MROH2A: variants seen among roughly 807,000 people sequenced by gnomAD.
MROH2A encodes the protein maestro heat like repeat family member 2A.
Under a neutral mutation model 200.4 loss-of-function variants are expected in MROH2A, and 174 were observed. The observed-to-expected ratio is 0.87, with a 90% CI of 0.77 to 0.98. The LOEUF (loss-of-function observed/expected upper bound fraction) is 0.98, where lower values mean the gene tolerates loss of function less well. MROH2A is among the 50% of genes least tolerant of loss of function. MROH2A has a pLI of 0.00. For missense variants in MROH2A, 2,045 were observed against 2,139.6 expected, an observed-to-expected ratio of 0.96 and a Z score of 0.87; for synonymous variants, 829 against 840.4, an observed-to-expected ratio of 0.99 and a Z score of 0.23.
At chr2:233,831,561 A>G in intron 39 of MROH2A, 21 bp downstream of exon 39, 1 of 1,543,840 alleles carries the variant, frequency 6.5e-7, no homozygotes, top group Admixed American at 2.0e-5. Context: ...CAAAGGGGGA[A>G]CCAGCCCGTC....
At chr2:233,814,432 C>T in intron 25 of MROH2A, 150 bp from the exon 26 acceptor site, 1 of 592,002 alleles carries the variant, frequency 1.7e-6, no homozygotes, top group Non-Finnish European at 3.1e-6. Flanking sequence ...TTGTCTTGTA[C>T]TTCACTTGAG....
At chr2:233,792,602 C>T (rs28900424) in intron 5 of MROH2A, among the ~76,000 whole-genome samples, 194 bp from the exon 6 acceptor site, 3,600 of 152,206 alleles carry the variant, frequency 0.024, 155 homozygotes, top group African/African-American at 0.08. Context: ...CGTGAGACAC[C>T]GTGCCCTTCT....
At chr2:233,800,184 T>A in intron 13 of MROH2A, 21 bp from the exon 14 acceptor site, 1 of 1,512,032 alleles carries the variant, frequency 6.6e-7, no homozygotes, top group Non-Finnish European at 8.9e-7. Context: ...CAGGTGGGAA[T>A]CCCTTGGTTC....
chr2:233,822,846 AG>A, intron 33 of MROH2A, 34 bp from the exon 34 acceptor site: 1 of 1,547,734 alleles, frequency 6.5e-7, no homozygotes, highest in Non-Finnish European at 8.7e-7. Context: ...CGCTCCCAGC[AG>A]GGCAGCGCAT....
chr2:233,810,871 G>A lies in MROH2A; in HGVS notation c.2526G>A (p.Glu842=), dbSNP rs1315887930. 1.9e-6 allele frequency: 3 copies of A among 1,550,330 alleles called. No individual in the cohort carries two copies. Among genetic ancestry groups the A allele is most frequent in the African/African-American group, 2.7e-5 (2 of 73,036 alleles). The change falls in exon 23 of 42, where the codon GAG becomes GAA. Residue 842 remains glutamate (E), a synonymous_variant. Coordinates refer to ENST00000389758, the MANE Select transcript of MROH2A (RefSeq NM_001394639.1). The part of the protein sequence containing the change: ...TKAINNIKDL[E]DFHFAQKTTL... ...CCATCAACAACATCAAGGACCTGGA[G>A]GACTTTCACTTTGCCCAGAAGACGA...
chr2:233,787,057 T>A (rs1701239932), intron 3 of MROH2A, among the ~76,000 whole-genome samples: 1 of 152,182 alleles, frequency 6.6e-6, no homozygotes, highest in Admixed American at 6.5e-5. Context: ...CTCTACAGAA[T>A]CCAGTAATTC....
chr2:233,800,516 T>A (rs959902643), intron 14 of MROH2A, among the ~76,000 whole-genome samples: 1 of 152,258 alleles, frequency 6.6e-6, no homozygotes, highest in Non-Finnish European at 1.5e-5. Flanking sequence ...TCTTCATCTC[T>A]GTACCCCTAG....
rs1321803952 is a variant in MROH2A at position 233,787,795 on chromosome 2, A to T, written c.277-1702A>T. ...ATATATATTATATATATCATATATA[A>T]TATATATTATATATATTATATATAA... is the stretch of plus-strand genomic sequence containing the variant. On this transcript the variant is annotated intron_variant, in intron 3 of 41. Coordinates refer to ENST00000389758, the MANE Select transcript of MROH2A (RefSeq NM_001394639.1). 9.9e-4 allele frequency among the ~76,000 whole-genome samples: 5 copies of T among 5,032 alleles called. 1 individual carries two copies. The highest frequency in any genetic ancestry group is 1.6e-3 in the African/African-American group (1 of 628). 3.3% of individuals were successfully genotyped at this position (5,032 alleles called of 152,430 possible).
intron 14 of MROH2A, among the ~76,000 whole-genome samples, chr2:233,800,621 GTGTGTGTGTA>G (rs1215015395): frequency 1.8e-3 from 176 of 97,458 alleles, no homozygotes; most frequent in African/African-American, 7.3e-3. Flanking sequence ...TAAGGCCCGT[GTGTGTGTGTA>G]TGTGTGTGTG....
rs180914048 is a variant in MROH2A, at chr2:233,822,268, G to A, written c.3657G>A (p.Ala1219=). The A allele has an allele frequency of 8.3e-4, 1,288 of 1,547,496 alleles. 11 individuals carry two copies. The African/African-American group carries it at 0.014, about 17-fold the overall frequency. Residue 1219 remains alanine, a synonymous_variant, in exon 32 of 42, where the codon GCG becomes GCA. Coordinates refer to ENST00000389758, the MANE Select transcript of MROH2A (RefSeq NM_001394639.1). The part of the protein sequence containing the change: ...TSKADIWRLA[A]VDPLMTLCTI... The stretch of plus-strand genomic sequence containing the variant: ...AGGCTGACATCTGGCGCCTGGCTGC[G>A]GTGGACCCCCTGATGGTGAGTTGCA...
Position 233,800,318 on chromosome 2 carries a change from G to A in MROH2A, c.1560+3G>A, listed in dbSNP as rs1465259447. 6.5e-7 allele frequency: 1 copy of A among 1,536,186 alleles called. No homozygotes were observed. The highest frequency in any genetic ancestry group is 2.0e-5 in the Admixed American group (1 of 50,172). ...CTTCTGTCAGTGGGATGACCACCGT[G>A]AGTGGGCCCTGCCCCACCCGCACAG... On this transcript the variant is annotated splice_donor_region_variant and intron_variant, in intron 14 of 41. Coordinates refer to ENST00000389758, the MANE Select transcript of MROH2A (RefSeq NM_001394639.1).
chr2:233,817,176 A>T (rs1377179127), intron 27 of MROH2A, among the ~76,000 whole-genome samples: 1 of 152,194 alleles, frequency 6.6e-6, no homozygotes, highest in East Asian at 1.9e-4. Context: ...TAGGAAAATG[A>T]ATATTTACTT....
Position 233,793,570 on chromosome 2 carries a change from C to A in MROH2A, c.671-103C>A, listed in dbSNP as rs137898026. The A allele has an allele frequency of 1.7e-4, 196 of 1,149,372 alleles. 1 individual carries two copies. The African/African-American group carries it at 2.9e-3, about 17-fold the overall frequency. The allele number at this position is 1,149,372 out of a possible 1,614,324, so 71.2% of individuals were successfully genotyped here. The stretch of plus-strand genomic sequence containing the variant: ...AGGGCAGGGTGCAGCCTGCTCGCTA[C>A]GGCAAGGCATGAGCACTTCCACTCG... On this transcript the variant is annotated intron_variant, in intron 6 of 41. Coordinates refer to ENST00000389758, the MANE Select transcript of MROH2A (RefSeq NM_001394639.1).
At chr2:233,803,167 T>C (rs1195643192) in intron 15 of MROH2A, among the ~76,000 whole-genome samples, 1 of 152,166 alleles carries the variant, frequency 6.6e-6, no homozygotes, top group Non-Finnish European at 1.5e-5. Context: ...AACACTGTCA[T>C]GGAAAGTCTT....
intron 22 of MROH2A, 92 bp downstream of exon 22, chr2:233,809,370 C>A: frequency 7.3e-7 from 1 of 1,378,580 alleles, no homozygotes; most frequent in Non-Finnish European, 1.0e-6. Flanking sequence ...CATCCCTACC[C>A]AGGGGACATC....
At chr2:233,798,966 G>A (rs1019877649) in intron 12 of MROH2A, 116 bp downstream of exon 12, 17 of 803,322 alleles carry the variant, frequency 2.1e-5, no homozygotes, top group South Asian at 1.1e-4. Context: ...GCTTTCCATC[G>A]GGTCTCGACT....
intron 3 of MROH2A, among the ~76,000 whole-genome samples, chr2:233,781,421 A>C (rs1700950902): frequency 6.6e-6 from 1 of 152,136 alleles, no homozygotes; most frequent in Middle Eastern, 3.2e-3. Flanking sequence ...ATTTTGGATA[A>C]AAGTCTTTTT....
At chr2:233,789,352 T>G in intron 3 of MROH2A, 145 bp from the exon 4 acceptor site, 1 of 847,956 alleles carries the variant, frequency 1.2e-6, no homozygotes, top group South Asian at 4.4e-5. Flanking sequence ...GCAGGAGGAT[T>G]TAGAAATGGA....
intron 27 of MROH2A, 42 bp downstream of exon 27, chr2:233,816,927 A>T: frequency 1.6e-6 from 2 of 1,220,272 alleles, no homozygotes; most frequent in Non-Finnish European, 2.3e-6. Flanking sequence ...CTGCTCTGAC[A>T]TGCACAGAAA....
Sources: gnomAD v4.1 joint callset for allele counts (sites outside exome capture counted in the v4.1 genomes callset) on GRCh38, gnomAD v4.1.1 for gene constraint, MANE v1.5 for transcripts, NCBI Gene and HGNC (gene_info 2026-07-23, HGNC 2026-07-21) for gene names.